BTF3L4: variants seen among roughly 807,000 people sequenced by gnomAD.
BTF3L4 encodes the protein basic transcription factor 3 like 4, also known as transcription factor BTF3 homolog 4.
In BTF3L4, 6 loss-of-function variants were observed where a neutral mutation model predicts 16.8. The ratio of observed to expected loss-of-function variants is 0.36; its 90% CI spans 0.20 to 0.71. BTF3L4 has a LOEUF of 0.71. BTF3L4 is among the 30% of genes least tolerant of loss of function. BTF3L4 has a pLI of 0.58. For synonymous variants in BTF3L4, 39 were observed against 59.8 expected (o/e 0.65, Z 1.60); for missense variants, 92 against 186.9 (o/e 0.49, Z 2.96).
At chr1:52,085,013 CTTTTTTTTTTTTT>C (rs764763479) in intron 4 of BTF3L4, among the ~76,000 whole-genome samples, 1 of 58,514 alleles carries the variant, frequency 1.7e-5, no homozygotes, top group Non-Finnish European at 2.9e-5. Context: ...TGAAAAAAAT[CTTTTTTTTTTTTT>C]TTTTTTTTTT....
At chr1:52,074,012 T>C (rs1311174038) in intron 3 of BTF3L4, among the ~76,000 whole-genome samples, 1 of 151,170 alleles carries the variant, frequency 6.6e-6, no homozygotes, top group Non-Finnish European at 1.5e-5. Flanking sequence ...AAGAAAAAAA[T>C]GTAATTCGCT....
At chr1:52,074,261 A>G (rs1169836436) in intron 3 of BTF3L4, among the ~76,000 whole-genome samples, 1 of 151,686 alleles carries the variant, frequency 6.6e-6, no homozygotes, top group Non-Finnish European at 1.5e-5. Context: ...GCAGTGGCAC[A>G]GTCTTGGCTC....
Position 52,089,573 on chromosome 1 carries a change from C to T in BTF3L4, c.*2815C>T, listed in dbSNP as rs1644001386. 6.6e-6 allele frequency: 1 copy of T among 151,910 alleles called. No individual in the cohort carries two copies. Among genetic ancestry groups the T allele is most frequent in the Non-Finnish European group, 1.5e-5 (1 of 67,980 alleles). The allele number at this position is 151,910 out of a possible 1,614,324, so 9.4% of individuals were successfully genotyped here. On this transcript the variant is annotated 3_prime_UTR_variant, in exon 6 of 6. Coordinates refer to ENST00000313334, the MANE Select transcript of BTF3L4 (RefSeq NM_152265.5). ...TCTTACTAAGATTAGGTATTTTTTG[C>T]CAAGATAACAATGATAAAAACATTT...
At chr1:52,081,735 AGT>A (rs1334152374) in intron 3 of BTF3L4, among the ~76,000 whole-genome samples, 4 of 152,234 alleles carry the variant, frequency 2.6e-5, no homozygotes, top group Non-Finnish European at 5.9e-5. Flanking sequence ...TAGAACCCTA[AGT>A]GTAATAGTGA....
At chr1:52,060,423 G>T in intron 2 of BTF3L4, 1 of 1,244,720 alleles carries the variant, frequency 8.0e-7, no homozygotes. Context: ...TTTGTTCATT[G>T]CCAGGTTTTC....
Position 52,068,683 on chromosome 1 carries a change from C to G in BTF3L4, c.168+3745C>G, listed in dbSNP as rs940505400. On this transcript the variant is annotated intron_variant, in intron 3 of 5. Transcript: ENST00000313334. ...GCCTTTTAATTTCCTCCTGTCCCTC[C>G]TCCCCCACCAAAAAAAAGGGAAGGT... 2.6e-5 allele frequency among the ~76,000 whole-genome samples: 4 copies of G among 152,046 alleles called. No individual in the cohort carries two copies. The South Asian group carries it at 8.3e-4, about 31-fold the overall frequency.
rs1686485164 is a variant in BTF3L4, at chr1:52,060,645, C to G, written c.54+744C>G. Reference sequence around the variant, plus strand: ...AAGTGAAAGAAAGAATAGTACTTACCTCAGACCTGAAGTGGTAGGTAGGAC... The same window carrying G: ...AAGTGAAAGAAAGAATAGTACTTACGTCAGACCTGAAGTGGTAGGTAGGAC... On this transcript the variant is annotated intron_variant, in intron 2 of 5. Transcript: ENST00000313334. 5 of 1,070,672 alleles carry G rather than the reference C, an allele frequency of 4.7e-6. No homozygotes were observed. In the Admixed American group the frequency reaches 2.1e-4, roughly 45 times the overall value. 66.3% of individuals were successfully genotyped at this position (1,070,672 alleles called of 1,614,324 possible). A position where few individuals can be genotyped will look rare whatever the true frequency, so the allele number is the denominator to read the frequency against.
At chr1:52,057,350 C>T (rs1414237573) in intron 1 of BTF3L4, among the ~76,000 whole-genome samples, 1 of 152,158 alleles carries the variant, frequency 6.6e-6, no homozygotes, top group Non-Finnish European at 1.5e-5. Flanking sequence ...TTTCTTGAGT[C>T]CTTGAGAACA....
intron 2 of BTF3L4, 39 bp downstream of exon 2, chr1:52,059,940 G>A (rs1686467468): frequency 6.4e-7 from 1 of 1,552,936 alleles, no homozygotes; most frequent in African/African-American, 1.4e-5. Flanking sequence ...GAGAATGTAT[G>A]ATTACCAGAT....
intron 1 of BTF3L4, among the ~76,000 whole-genome samples, chr1:52,059,342 T>A (rs1686453066): frequency 6.6e-6 from 1 of 152,242 alleles, no homozygotes; most frequent in South Asian, 2.1e-4. Flanking sequence ...GTTGAATTTC[T>A]TCTTTGTTCA....
At chr1:52,080,813 C>T (rs12039329) in intron 3 of BTF3L4, among the ~76,000 whole-genome samples, 5 of 147,426 alleles carry the variant, frequency 3.4e-5, no homozygotes, top group South Asian at 4.3e-4. Context: ...GGATAACAGG[C>T]GTGAGCCACT....
chr1:52,077,711 G>T (rs925307037), intron 3 of BTF3L4, among the ~76,000 whole-genome samples: 1 of 152,140 alleles, frequency 6.6e-6, no homozygotes, highest in Non-Finnish European at 1.5e-5. Context: ...GCCTCCTCTA[G>T]CCACAAAAAT....
intron 4 of BTF3L4, 141 bp from the exon 5 acceptor site, chr1:52,085,971 T>G: frequency 2.1e-6 from 1 of 471,256 alleles, no homozygotes. Flanking sequence ...GCAAAAAATA[T>G]GAATGGCATT....
intron 3 of BTF3L4, among the ~76,000 whole-genome samples, chr1:52,073,448 A>ACACTATATATATGCACTATATATATG (rs1187969419): frequency 1.3e-5 from 2 of 150,914 alleles, no homozygotes; most frequent in East Asian, 2.0e-4. Flanking sequence ...ATCTTTATGT[A>ACACTATATATATGCACTATATATATG]CACTATATAT....
chr1:52,062,778 T>A (rs961732911), intron 2 of BTF3L4, among the ~76,000 whole-genome samples: 1 of 152,182 alleles, frequency 6.6e-6, no homozygotes, highest in African/African-American at 2.4e-5. Context: ...CAGTCCGCAA[T>A]CTTTTTGGCA....
Position 52,083,360 on chromosome 1 carries a change from T to C in BTF3L4, c.189T>C (p.Asp63=), listed in dbSNP as rs753858242. The C allele has an allele frequency of 6.8e-6, 11 of 1,613,140 alleles. 1 individual carries two copies. The highest frequency in any genetic ancestry group is 3.3e-4 in the Middle Eastern group (2 of 6,030). Residue 63 remains aspartate (D), a synonymous_variant, in exon 4 of 6, where the codon GAT becomes GAC. Transcript: ENST00000313334. ...GIEEVNMIKD[D]GTVIHFNNPK... ...TACAGGTGAACATGATTAAAGATGA[T>C]GGGACAGTTATTCATTTCAACAATC...
chr1:52,070,303 GTATAATAGTT>G (rs1686753416), intron 3 of BTF3L4, among the ~76,000 whole-genome samples: 2 of 2,812 alleles, frequency 7.1e-4, no homozygotes, highest in African/African-American at 8.0e-4. Context: ...TAGTTCATTG[GTATAATAGTT>G]CATTTGGTAT....
chr1:52,076,076 A>G (rs566820219), intron 3 of BTF3L4, among the ~76,000 whole-genome samples: 19 of 152,304 alleles, frequency 1.2e-4, no homozygotes, highest in African/African-American at 4.6e-4. Context: ...AGTTCACACT[A>G]CCTGCAGCAT....
chr1:52,083,496 A>G lies in BTF3L4; in HGVS notation c.325A>G (p.Ser109Gly). ...PGILSQLGAD[S>G]LTSLRKLAEQ... ...AATATTAAGTCAGCTTGGTGCTGAC[A>G]GTTTAACAAGCCTTAGGAAGTTAGC... The change falls in exon 4 of 6, where the codon AGT (serine) becomes GGT (glycine). Residue 109 changes from serine to glycine, a missense_variant. Transcript: ENST00000313334. 1 of 1,613,742 alleles carries G rather than the reference A, an allele frequency of 6.2e-7. No homozygotes were observed. The highest frequency in any genetic ancestry group is 8.5e-7 in the Non-Finnish European group (1 of 1,179,698).
Sources: gnomAD v4.1 joint callset for allele counts (sites outside exome capture counted in the v4.1 genomes callset) on GRCh38, gnomAD v4.1.1 for gene constraint, MANE v1.5 for transcripts, NCBI Gene and HGNC (gene_info 2026-07-23, HGNC 2026-07-21) for gene names.